The following KCNIP4 variants were observed in gnomAD, a reference collection of about 807,000 sequenced individuals.
KCNIP4 encodes potassium voltage-gated channel interacting protein 4, also known as Kv channel-interacting protein 4.
A neutral mutation model predicts 34.0 loss-of-function variants in KCNIP4; 12 were observed. That is an observed-to-expected ratio of 0.35 (90% confidence interval 0.23 to 0.57). The LOEUF (loss-of-function observed/expected upper bound fraction) is 0.57. Ranked by LOEUF, KCNIP4 falls within the 20% of genes least tolerant of loss-of-function variation. KCNIP4 has a pLI of 0.83. For synonymous variants in KCNIP4, 124 were observed against 102.2 expected (o/e 1.21, Z -1.29); for missense variants, 238 against 311.7 (o/e 0.76, Z 1.78).
At chr4:21,703,961 G>T (rs1056236841) in intron 1 of KCNIP4, among the ~76,000 whole-genome samples, 22 of 152,266 alleles carry the variant, frequency 1.4e-4, no homozygotes, top group African/African-American at 5.1e-4. Context: ...GTGAGGTATG[G>T]TTAGAACAAC....
chr4:20,730,222 C>T, intron 8 of KCNIP4, 93 bp from the exon 9 acceptor site: 2 of 1,397,970 alleles, frequency 1.4e-6, no homozygotes, highest in East Asian at 5.1e-5. Context: ...TCCCATCAAC[C>T]ACCTCAACCA....
At chr4:21,794,262 T>TA (rs201988809) in intron 1 of KCNIP4, among the ~76,000 whole-genome samples, 1 of 151,978 alleles carries the variant, frequency 6.6e-6, no homozygotes, top group Non-Finnish European at 1.5e-5. Flanking sequence ...CCCCAAAACT[T>TA]AAAGTATAAT....
intron 1 of KCNIP4, among the ~76,000 whole-genome samples, chr4:20,958,995 CATGTTGAA>C (rs1183329702): frequency 6.6e-6 from 1 of 152,180 alleles, no homozygotes; most frequent in Non-Finnish European, 1.5e-5. Flanking sequence ...CATTGTGGAG[CATGTTGAA>C]ATCAGTGGGT....
At chr4:21,840,874 T>A (rs896435999) in intron 1 of KCNIP4, among the ~76,000 whole-genome samples, 1 of 152,166 alleles carries the variant, frequency 6.6e-6, no homozygotes, top group Non-Finnish European at 1.5e-5. Flanking sequence ...CTGTGAGCTA[T>A]CCTGTCTCAT....
chr4:21,624,725 TG>T lies in KCNIP4; in HGVS notation c.61+323845del, dbSNP rs1346559340. ...AAAGGTAAAATATAAAATCTGAAAA[TG>T]GGCAATATGTTTCAACAAGTGAAGA... On this transcript the variant is annotated intron_variant, in intron 1 of 8. Transcript: ENST00000382152. 3.5e-4 allele frequency among the ~76,000 whole-genome samples: 54 copies of T among 152,224 alleles called. 1 individual carries two copies. Among genetic ancestry groups the T allele is most frequent in the Middle Eastern group, 6.8e-3 (2 of 294 alleles).
At chr4:21,726,170 G>A (rs1253892616) in intron 1 of KCNIP4, among the ~76,000 whole-genome samples, 1 of 152,140 alleles carries the variant, frequency 6.6e-6, no homozygotes, top group Non-Finnish European at 1.5e-5. Context: ...TGGGACATCA[G>A]TGTACTGTTA....
At chr4:21,099,703 G>T (rs184191469) in intron 1 of KCNIP4, among the ~76,000 whole-genome samples, 7 of 152,214 alleles carry the variant, frequency 4.6e-5, no homozygotes, top group African/African-American at 1.7e-4. Context: ...TGATGGATCT[G>T]GGAAAAGTAA....
At chr4:21,035,854 C>G (rs1334488860) in intron 1 of KCNIP4, among the ~76,000 whole-genome samples, 2 of 152,118 alleles carry the variant, frequency 1.3e-5, no homozygotes, top group South Asian at 4.1e-4. Context: ...TGATGGAACC[C>G]CTGTGTCCAA....
At chr4:21,192,964 A>AT (rs1755789323) in intron 1 of KCNIP4, among the ~76,000 whole-genome samples, 2 of 137,644 alleles carry the variant, frequency 1.5e-5, no homozygotes, top group East Asian at 2.0e-4. Flanking sequence ...AATAATAATA[A>AT]TAATTAGTTG....
chr4:21,744,765 T>C (rs1716660021), intron 1 of KCNIP4, among the ~76,000 whole-genome samples: 1 of 152,196 alleles, frequency 6.6e-6, no homozygotes, highest in Non-Finnish European at 1.5e-5. Flanking sequence ...TAAATATCTG[T>C]TGAATGAATG....
intron 1 of KCNIP4, among the ~76,000 whole-genome samples, chr4:21,531,920 CTT>C (rs1736714322): frequency 6.6e-6 from 1 of 151,936 alleles, no homozygotes; most frequent in Non-Finnish European, 1.5e-5. Context: ...ACAAGAAAGT[CTT>C]ATGCTTTCAA....
chr4:21,794,714 C>A (rs1421505263), intron 1 of KCNIP4, among the ~76,000 whole-genome samples: 1 of 152,030 alleles, frequency 6.6e-6, no homozygotes, highest in Non-Finnish European at 1.5e-5. Context: ...TCCAGCTCTA[C>A]TAAAAATACA....
chr4:21,238,532 T>G (rs1414481207), intron 1 of KCNIP4, among the ~76,000 whole-genome samples: 1 of 152,166 alleles, frequency 6.6e-6, no homozygotes, highest in East Asian at 1.9e-4. Context: ...TTCAGCAAAG[T>G]CTCAGGATAC....
At chr4:21,278,525 CCTT>C (rs1488946180) in intron 1 of KCNIP4, among the ~76,000 whole-genome samples, 3 of 152,112 alleles carry the variant, frequency 2.0e-5, no homozygotes, top group Non-Finnish European at 2.9e-5. Context: ...GACATTATCT[CCTT>C]CTTTTTTATG....
At chr4:21,421,451 G>A (rs1188946835) in intron 1 of KCNIP4, among the ~76,000 whole-genome samples, 7 of 152,154 alleles carry the variant, frequency 4.6e-5, no homozygotes, top group Non-Finnish European at 1.0e-4. Context: ...TTAAAAAGGA[G>A]GAAATCCTCT....
chr4:21,733,962 A>C lies in KCNIP4; in HGVS notation c.61+214609T>G, dbSNP rs549162465. Among the ~76,000 whole-genome samples the C allele has an allele frequency of 5.9e-5, 9 of 152,326 alleles. No individual in the cohort carries two copies. In the East Asian group the frequency reaches 1.7e-3, roughly 29 times the overall value. ...AGTATCATTCAGGAAAAGACCTTGC[A>C]GAGGTCTCTGCTTTCAGAAATATAT... On this transcript the variant is annotated intron_variant, in intron 1 of 8. Transcript: ENST00000382152.
At chr4:20,755,822 G>T (rs1032393058) in intron 4 of KCNIP4, among the ~76,000 whole-genome samples, 1 of 152,086 alleles carries the variant, frequency 6.6e-6, no homozygotes, top group Admixed American at 6.6e-5. Flanking sequence ...AGGTTCAAAG[G>T]CCCAGGAGCA....
intron 1 of KCNIP4, among the ~76,000 whole-genome samples, chr4:20,906,687 A>C (rs960063138): frequency 6.6e-6 from 1 of 152,182 alleles, no homozygotes; most frequent in Non-Finnish European, 1.5e-5. Flanking sequence ...TATTTTGCAC[A>C]TTAGAGCCAA....
intron 1 of KCNIP4, among the ~76,000 whole-genome samples, chr4:20,995,827 G>A (rs2033938735): frequency 2.6e-5 from 4 of 152,274 alleles, no homozygotes; most frequent in South Asian, 2.1e-4. Flanking sequence ...AATATGCAAG[G>A]GACTGTGGGG....
Sources: gnomAD v4.1 joint callset for allele counts (sites outside exome capture counted in the v4.1 genomes callset) on GRCh38, gnomAD v4.1.1 for gene constraint, MANE v1.5 for transcripts, NCBI Gene and HGNC (gene_info 2026-07-23, HGNC 2026-07-21) for gene names.